DIAPH2: variants seen among roughly 807,000 people sequenced by gnomAD.
DIAPH2 encodes the protein diaphanous related formin 2, also known as protein diaphanous homolog 2.
A neutral mutation model predicts 92.7 loss-of-function variants in DIAPH2; 35 were observed. The observed-to-expected ratio is 0.38, with a 90% CI of 0.29 to 0.50. The LOEUF (loss-of-function observed/expected upper bound fraction) is 0.50. Ranked by LOEUF, DIAPH2 falls within the 20% of genes least tolerant of loss-of-function variation. DIAPH2 has a pLI of 0.94. For missense variants in DIAPH2, 701 were observed against 819.5 expected, an observed-to-expected ratio of 0.86 and a Z score of 1.77; for synonymous variants, 301 against 280.4, an observed-to-expected ratio of 1.07 and a Z score of -0.73.
chrX:96,930,160 C>T (rs752056936), intron 9 of DIAPH2, among the ~76,000 whole-genome samples: 6 of 110,320 alleles, frequency 5.4e-5, no homozygotes, highest in African/African-American at 9.8e-5. Flanking sequence ...TAATTCACTT[C>T]CATTATTTTT....
intron 23 of DIAPH2, among the ~76,000 whole-genome samples, chrX:97,334,993 C>CAAAAAAAA (rs1314227612): frequency 3.0e-4 from 2 of 6,639 alleles, no homozygotes; most frequent in Non-Finnish European, 4.6e-4. Flanking sequence ...AAAACAAAAA[C>CAAAAAAAA]AAAACAAAAA....
At chrX:97,100,326 A>G (rs745367758) in intron 20 of DIAPH2, among the ~76,000 whole-genome samples, 1 of 111,830 alleles carries the variant, frequency 8.9e-6, no homozygotes, top group South Asian at 3.7e-4. Context: ...AATCTTATAC[A>G]TCATGTCTTT....
At chrX:97,287,945 T>C (rs1301919592) in intron 23 of DIAPH2, among the ~76,000 whole-genome samples, 23 of 43,175 alleles carry the variant, frequency 5.3e-4, no homozygotes, top group Non-Finnish European at 6.4e-4. Context: ...AGAGTGAGAC[T>C]CTGTCTCAAA....
At chrX:97,353,429 G>C (rs2069237274) in intron 24 of DIAPH2, among the ~76,000 whole-genome samples, 1 of 110,954 alleles carries the variant, frequency 9.0e-6, no homozygotes, top group African/African-American at 3.3e-5. Context: ...ATAAATTATA[G>C]AAAATACTTC....
chrX:96,951,696 C>T (rs752714821), intron 15 of DIAPH2, among the ~76,000 whole-genome samples: 5 of 111,219 alleles, frequency 4.5e-5, no homozygotes, highest in Non-Finnish European at 7.5e-5. Flanking sequence ...ATTTGCAATA[C>T]GATGTGGTAG....
chrX:96,963,807 G>A (rs2065879081), intron 16 of DIAPH2, among the ~76,000 whole-genome samples: 1 of 111,093 alleles, frequency 9.0e-6, no homozygotes, highest in Non-Finnish European at 1.9e-5. Flanking sequence ...CCTGCCTCCA[G>A]TCAGCTGAAG....
chrX:96,990,188 A>G (rs1299112141), intron 17 of DIAPH2, among the ~76,000 whole-genome samples: 1 of 112,141 alleles, frequency 8.9e-6, no homozygotes, highest in African/African-American at 3.2e-5. Flanking sequence ...AGAAAAAGCT[A>G]TTTGTGCCAG....
At chrX:97,300,689 T>C (rs1207810545) in intron 23 of DIAPH2, among the ~76,000 whole-genome samples, 1 of 99,207 alleles carries the variant, frequency 1.0e-5, no homozygotes, top group Non-Finnish European at 2.0e-5. Flanking sequence ...TCCCAGCACT[T>C]TGGGAGGCCG....
intron 8 of DIAPH2, among the ~76,000 whole-genome samples, chrX:96,917,960 A>G (rs2065516109): frequency 9.0e-6 from 1 of 111,638 alleles, no homozygotes; most frequent in Admixed American, 9.5e-5. Flanking sequence ...AAACCTGAAA[A>G]TTTAAATTTT....
chrX:97,061,049 A>G (rs192158313), intron 17 of DIAPH2, among the ~76,000 whole-genome samples: 55 of 112,751 alleles, frequency 4.9e-4, no homozygotes, highest in African/African-American at 1.7e-3. Flanking sequence ...AGTAAACTCA[A>G]TATTAAACTG....
chrX:97,158,426 C>T lies in DIAPH2; in HGVS notation c.2719+16632C>T, dbSNP rs1457927178. On this transcript the variant is annotated intron_variant, in intron 22 of 26. Transcript: ENST00000324765. ...AGACAGAGCAGCATTTCTATCACTC[C>T]TCGGCAGTGTTCTCTTCAACAGTGC... is the stretch of plus-strand genomic sequence containing the variant. 3.8e-5 allele frequency among the ~76,000 whole-genome samples: 4 copies of T among 105,806 alleles called. No individual in the cohort carries two copies. In the Admixed American group the frequency reaches 3.9e-4, roughly 10 times the overall value. The allele number at this position is 105,806 out of a possible 115,157, so 91.9% of individuals were successfully genotyped here. A position where few individuals can be genotyped will look rare whatever the true frequency, so the allele number is the denominator to read the frequency against.
chrX:97,255,603 A>G (rs1198947132), intron 23 of DIAPH2, among the ~76,000 whole-genome samples: 1 of 112,159 alleles, frequency 8.9e-6, no homozygotes, highest in Admixed American at 9.5e-5. Flanking sequence ...TTATTATATA[A>G]TTAATATAAA....
At chrX:96,981,484 G>T (rs1357128283) in intron 17 of DIAPH2, among the ~76,000 whole-genome samples, 2 of 111,976 alleles carry the variant, frequency 1.8e-5, no homozygotes, top group Non-Finnish European at 3.8e-5. Context: ...ATATATCACA[G>T]ATTCAAAACA....
chrX:97,391,609 G>A (rs898757450), intron 25 of DIAPH2, among the ~76,000 whole-genome samples: 1 of 110,928 alleles, frequency 9.0e-6, no homozygotes, highest in Non-Finnish European at 1.9e-5. Context: ...TTAAAAAAGT[G>A]TACACTTTCC....
intron 4 of DIAPH2, among the ~76,000 whole-genome samples, chrX:96,831,956 T>C (rs2064857705): frequency 1.8e-5 from 2 of 111,487 alleles, no homozygotes; most frequent in South Asian, 3.8e-4. Context: ...TCACATTGCA[T>C]TGGCCAAAAT....
intron 23 of DIAPH2, among the ~76,000 whole-genome samples, chrX:97,340,277 G>A (rs2069101539): frequency 9.0e-6 from 1 of 111,616 alleles, no homozygotes; most frequent in Non-Finnish European, 1.9e-5. Flanking sequence ...GCTTTCCCGT[G>A]TCACCCTAAA....
chrX:96,974,349 T>C (rs1426943117), intron 17 of DIAPH2, among the ~76,000 whole-genome samples: 1 of 111,614 alleles, frequency 9.0e-6, no homozygotes, highest in Non-Finnish European at 1.9e-5. Flanking sequence ...TGTGGACAGA[T>C]AGGTGATGGG....
chrX:97,040,257 G>A (rs1486849115), intron 17 of DIAPH2, among the ~76,000 whole-genome samples: 1 of 106,475 alleles, frequency 9.4e-6, no homozygotes, highest in African/African-American at 3.4e-5. Flanking sequence ...ATTAAATCTC[G>A]GTCTATTTGA....
intron 19 of DIAPH2, among the ~76,000 whole-genome samples, chrX:97,079,775 C>T (rs2066728562): frequency 9.0e-6 from 1 of 110,836 alleles, no homozygotes; most frequent in South Asian, 3.9e-4. Context: ...CAAAAGGAGT[C>T]AGCATATCAG....
Sources: gnomAD v4.1 joint callset for allele counts (sites outside exome capture counted in the v4.1 genomes callset) on GRCh38, gnomAD v4.1.1 for gene constraint, MANE v1.5 for transcripts, NCBI Gene and HGNC (gene_info 2026-07-23, HGNC 2026-07-21) for gene names.